The following FBXL17 variants were observed in gnomAD, a reference collection of about 807,000 sequenced individuals.
FBXL17 encodes the protein F-box/LRR-repeat protein 17.
FBXL17 carries 22 observed loss-of-function variants against 66.2 expected under a neutral mutation model. That is an observed-to-expected ratio of 0.33 (90% CI 0.24 to 0.47). The LOEUF (loss-of-function observed/expected upper bound fraction) is 0.47, where lower values mean the gene tolerates loss of function less well. FBXL17 is among the 20% of genes least tolerant of loss of function. FBXL17 has a pLI of 1.00. For synonymous variants in FBXL17, 474 were observed against 400.5 expected, an observed-to-expected ratio of 1.18 and a Z score of -2.19; for missense variants, 878 against 948.2, an observed-to-expected ratio of 0.93 and a Z score of 0.97.
intron 7 of FBXL17, among the ~76,000 whole-genome samples, chr5:107,979,634 CAGCA>C (rs1752726709): frequency 6.6e-6 from 1 of 152,202 alleles, no homozygotes. Flanking sequence ...GGAAATGAGG[CAGCA>C]AATGTGGTCT....
chr5:108,381,503 G>T lies in FBXL17; in HGVS notation c.189C>A (p.Phe63Leu). 1.4e-6 allele frequency: 2 copies of T among 1,397,096 alleles called. No individual in the cohort carries two copies. The highest frequency in any genetic ancestry group is 1.8e-6 in the Non-Finnish European group (2 of 1,086,302). The allele number at this position is 1,397,096 out of a possible 1,614,324, so 86.5% of individuals were successfully genotyped here. A position where few individuals can be genotyped will look rare whatever the true frequency, so the allele number is the denominator to read the frequency against. The change falls in exon 1 of 9, where the codon TTC becomes TTA. Residue 63 changes from phenylalanine (F) to leucine (L), a missense_variant. By Grantham distance (22) the Phe-to-Leu change is conservative (BLOSUM62 0). Coordinates refer to ENST00000542267, the MANE Select transcript of FBXL17 (RefSeq NM_001163315.3). Reference protein sequence around the residue: ...CFFRGPCMLCFIVHSPGAPAP... With the variant: ...CFFRGPCMLCLIVHSPGAPAP... ...CGGGCGCGCCGGGACTGTGCACGAT[G>T]AAGCAGAGCATGCAGGGCCCGCGGA...
At chr5:107,891,435 A>C (rs1251808972) in intron 7 of FBXL17, among the ~76,000 whole-genome samples, 1 of 152,192 alleles carries the variant, frequency 6.6e-6, no homozygotes, top group Non-Finnish European at 1.5e-5. Context: ...TGGGTTGAGA[A>C]CAGACTGTAA....
chr5:108,356,226 G>A (rs1271287079), intron 3 of FBXL17, among the ~76,000 whole-genome samples: 1 of 152,052 alleles, frequency 6.6e-6, no homozygotes, highest in Non-Finnish European at 1.5e-5. Flanking sequence ...GAGAGCATCA[G>A]AATATGTGAA....
chr5:108,271,223 A>C lies in FBXL17; in HGVS notation c.1507-46995T>G, dbSNP rs572439050. ...CAGTGAAATAAACCATGAAAACTGG[A>C]GCTCCCTTCCTCTTCCAGTCTATTA... On this transcript the variant is annotated intron_variant, in intron 4 of 8. Coordinates refer to ENST00000542267, the MANE Select transcript of FBXL17 (RefSeq NM_001163315.3). Among the ~76,000 whole-genome samples the C allele has an allele frequency of 3.0e-3, 454 of 152,224 alleles. 2 individuals are homozygous for C. The highest frequency in any genetic ancestry group is 0.01 in the African/African-American group (436 of 41,536).
chr5:108,287,753 T>C (rs1047054292), intron 4 of FBXL17, among the ~76,000 whole-genome samples: 28 of 152,040 alleles, frequency 1.8e-4, no homozygotes, highest in African/African-American at 6.8e-4. Context: ...AACCCAGCAA[T>C]CCCATTGTTG....
At chr5:108,067,292 T>C (rs1195021138) in intron 6 of FBXL17, among the ~76,000 whole-genome samples, 1 of 152,204 alleles carries the variant, frequency 6.6e-6, no homozygotes, top group Admixed American at 6.5e-5. Context: ...GTTGTTGTTA[T>C]ATGTATACTT....
At chr5:108,162,276 T>C (rs1283365487) in intron 6 of FBXL17, among the ~76,000 whole-genome samples, 2 of 152,064 alleles carry the variant, frequency 1.3e-5, no homozygotes, top group Admixed American at 1.3e-4. Context: ...GGCAGGAGGA[T>C]TGCTTGAGGC....
chr5:108,077,294 A>C (rs1748589228), intron 6 of FBXL17, among the ~76,000 whole-genome samples: 1 of 152,216 alleles, frequency 6.6e-6, no homozygotes, highest in Non-Finnish European at 1.5e-5. Flanking sequence ...ACTAAAATTT[A>C]TTTTGCAAAT....
chr5:108,278,290 C>A (rs780949566), intron 4 of FBXL17, among the ~76,000 whole-genome samples: 1 of 152,194 alleles, frequency 6.6e-6, no homozygotes. Context: ...GTTCCACACC[C>A]TTTCTGAAAC....
chr5:108,249,524 A>G (rs1243213165), intron 4 of FBXL17, among the ~76,000 whole-genome samples: 1 of 152,168 alleles, frequency 6.6e-6, no homozygotes. Context: ...AAATTAAGAC[A>G]ATTCTACATT....
intron 1 of FBXL17, among the ~76,000 whole-genome samples, chr5:108,371,018 CA>C (rs1481645889): frequency 6.6e-6 from 1 of 151,776 alleles, no homozygotes; most frequent in Non-Finnish European, 1.5e-5. Flanking sequence ...GGTCCCTGTA[CA>C]GAAATGCACA....
In FBXL17 at chr5:108,381,331, G is replaced by T; in HGVS notation, c.361C>A (p.Leu121Ile). The T allele has an allele frequency of 7.2e-7, 1 of 1,380,108 alleles. No individual in the cohort carries two copies. The highest frequency in any genetic ancestry group is 1.6e-5 in the South Asian group (1 of 61,328). 85.5% of individuals were successfully genotyped at this position (1,380,108 alleles called of 1,614,324 possible). A position where few individuals can be genotyped will look rare whatever the true frequency, so the allele number is the denominator to read the frequency against. Residue 121 changes from leucine to isoleucine, a missense_variant, in exon 1 of 9, where the codon CTA becomes ATA. This residue lies in a region of FBXL17 where 605 missense variants were observed against 509.5 expected (regional missense o/e 1.19). Coordinates refer to ENST00000542267, the MANE Select transcript of FBXL17 (RefSeq NM_001163315.3). ...GCGGCGGCGGCGGCGGCCGAGGATA[G>T]CAGGAAGCGGCGGGCAGCAGCGGCG... ...DCAAAARRFL[L>I]SSAAAAAAAA...
intron 4 of FBXL17, among the ~76,000 whole-genome samples, chr5:108,239,037 T>A (rs1435785109): frequency 6.6e-6 from 1 of 152,090 alleles, no homozygotes; most frequent in Non-Finnish European, 1.5e-5. Context: ...ATTTAAGAAC[T>A]TATATGTACT....
At chr5:108,040,683 T>C (rs1054270403) in intron 6 of FBXL17, among the ~76,000 whole-genome samples, 2 of 152,206 alleles carry the variant, frequency 1.3e-5, no homozygotes, top group African/African-American at 2.4e-5. Flanking sequence ...TACATATTCT[T>C]AAACTGGCTT....
chr5:108,310,334 C>G (rs1759057745), intron 4 of FBXL17, among the ~76,000 whole-genome samples: 1 of 152,142 alleles, frequency 6.6e-6, no homozygotes, highest in Non-Finnish European at 1.5e-5. Context: ...ATGGACAGTT[C>G]CTTTTCTACC....
At chr5:108,377,963 C>G (rs1317961544) in intron 1 of FBXL17, among the ~76,000 whole-genome samples, 3 of 152,156 alleles carry the variant, frequency 2.0e-5, no homozygotes, top group Non-Finnish European at 4.4e-5. Flanking sequence ...AGTGATATGG[C>G]TGTTATAAAC....
At chr5:108,108,494 G>T (rs1291244446) in intron 6 of FBXL17, among the ~76,000 whole-genome samples, 1 of 152,190 alleles carries the variant, frequency 6.6e-6, no homozygotes, top group Non-Finnish European at 1.5e-5. Flanking sequence ...ACGTTTAAAG[G>T]TTTGATAGAT....
At chr5:108,353,773 A>G (rs1233757363) in intron 3 of FBXL17, among the ~76,000 whole-genome samples, 2 of 152,176 alleles carry the variant, frequency 1.3e-5, no homozygotes, top group Non-Finnish European at 2.9e-5. Context: ...GAAAAAAAGA[A>G]GCACTGGTAA....
intron 4 of FBXL17, among the ~76,000 whole-genome samples, chr5:108,310,557 T>C (rs527544247): frequency 4.6e-5 from 7 of 152,182 alleles, no homozygotes; most frequent in Non-Finnish European, 7.3e-5. Flanking sequence ...ATACAACATA[T>C]ATAATTTGAA....
Sources: gnomAD v4.1 joint callset for allele counts (sites outside exome capture counted in the v4.1 genomes callset) on GRCh38, gnomAD v4.1.1 for gene constraint, gnomAD v4.1.1 regional missense constraint, MANE v1.5 for transcripts, NCBI Gene and HGNC (gene_info 2026-07-23, HGNC 2026-07-21) for gene names.